SPTBN1: variants seen among roughly 807,000 people sequenced by gnomAD.
SPTBN1 encodes spectrin beta, non-erythrocytic 1.
Under a neutral mutation model 266.4 loss-of-function variants are expected in SPTBN1, and 32 were observed. The observed-to-expected ratio is 0.12, with a 90% CI of 0.09 to 0.16. SPTBN1 has a LOEUF of 0.16. Ranked by LOEUF, SPTBN1 falls within the 10% of genes least tolerant of loss-of-function variation. The pLI is 1.00. For synonymous variants in SPTBN1, 1,336 were observed against 1,162.2 expected (o/e 1.15, Z -3.04); for missense variants, 2,296 against 3,067.1 (o/e 0.75, Z 5.94).
Position 54,664,447 on chromosome 2 carries a change from C to G in SPTBN1, c.6421-6C>G. 1.2e-6 allele frequency: 2 copies of G among 1,609,642 alleles called. No homozygotes were observed. Among genetic ancestry groups the G allele is most frequent in the South Asian group, 2.2e-5 (2 of 90,948 alleles). ...GTTAGCTGAATGGCCTCTCCGCTGT[C>G]CCTAGATGGCAGAAACGGTGGACAC... On this transcript the variant is annotated splice_polypyrimidine_tract_variant and splice_region_variant and intron_variant, in intron 32 of 35. Coordinates refer to ENST00000356805, the MANE Select transcript of SPTBN1 (RefSeq NM_003128.3). The surrounding 1 kb of genome is among the most constrained non-coding windows in gnomAD (Gnocchi z 5.6).
chr2:54,602,220 A>G (rs957614819), intron 3 of SPTBN1, among the ~76,000 whole-genome samples: 1 of 152,224 alleles, frequency 6.6e-6, no homozygotes, highest in African/African-American at 2.4e-5. Flanking sequence ...CCTTAGAAAT[A>G]CAGACCCACC....
rs540163302 is a variant in SPTBN1 at position 54,464,982 on chromosome 2, G to A, written c.-48+8464G>A. On this transcript the variant is annotated intron_variant, in intron 1 of 35. Coordinates refer to ENST00000356805, the MANE Select transcript of SPTBN1 (RefSeq NM_003128.3). ...GTTGGGATTACAAATGTGAGCCACC[G>A]TGCCCAGCCTTGGGCACCATTTTTT... is the stretch of plus-strand genomic sequence containing the variant. Among the ~76,000 whole-genome samples, 5 of 152,230 alleles carry A rather than the reference G, an allele frequency of 3.3e-5. No homozygotes were observed. The East Asian group carries it at 5.8e-4, about 18-fold the overall frequency.
chr2:54,630,701 C>G (rs1371154677), intron 15 of SPTBN1, among the ~76,000 whole-genome samples, 154 bp from the exon 16 acceptor site: 1 of 152,166 alleles, frequency 6.6e-6, no homozygotes, highest in East Asian at 1.9e-4. Context: ...TTGGTGTTCA[C>G]AGTTTGAGTG....
intron 2 of SPTBN1, among the ~76,000 whole-genome samples, chr2:54,545,848 G>A (rs561510026): frequency 1.5e-4 from 23 of 152,174 alleles, no homozygotes; most frequent in African/African-American, 4.1e-4. Flanking sequence ...GCATGCTAAC[G>A]GGCTGTTGCT....
At position 54,658,033 on chromosome 2, in the gene SPTBN1, A is replaced by G; in HGVS notation, c.6230A>G (p.Glu2077Gly). The change falls in exon 30 of 36, where the codon GAA (glutamate) becomes GGA (glycine). Residue 2077 changes from glutamate to glycine, a missense_variant. Physicochemically the swap from Glu to Gly is moderately conservative, Grantham distance 98. Transcript: ENST00000356805. Reference sequence around the variant, plus strand: ...TGGGATGAGAGGTTCTCTGCCCTGGAAAGGCTGACTACAGTAAGTGGCCGC... The same window carrying G: ...TGGGATGAGAGGTTCTCTGCCCTGGGAAGGCTGACTACAGTAAGTGGCCGC... ...ATWDERFSAL[E>G]RLTTLELLEV... The G allele has an allele frequency of 6.2e-7, 1 of 1,614,252 alleles. No individual in the cohort carries two copies.
At chr2:54,468,585 T>A (rs1205544683) in intron 1 of SPTBN1, among the ~76,000 whole-genome samples, 1 of 152,214 alleles carries the variant, frequency 6.6e-6, no homozygotes, top group Non-Finnish European at 1.5e-5. Context: ...TAGTTAAAGC[T>A]GTAGCATGAA....
chr2:54,645,394 C>T lies in SPTBN1; in HGVS notation c.4435C>T (p.His1479Tyr), dbSNP rs1208739524. ...ELLEPLNERK[H>Y]NLLASKEIHQ... ...GCTGGAGCCCTTGAACGAGAGGAAG[C>T]ATAACCTGCTGGCCTCCAAAGAGAT... Residue 1479 changes from histidine to tyrosine, a missense_variant, in exon 21 of 36, where the codon CAT (histidine) becomes TAT (tyrosine). His to Tyr is a moderately conservative substitution (Grantham distance 83). Coordinates refer to ENST00000356805, the MANE Select transcript of SPTBN1 (RefSeq NM_003128.3). This position sits in a 1 kb window ranked among gnomAD's most constrained non-coding sequence, Gnocchi z 4.3. 4 of 1,614,216 alleles carry T rather than the reference C, an allele frequency of 2.5e-6. No individual in the cohort carries two copies. The highest frequency in any genetic ancestry group is 2.2e-5 in the East Asian group (1 of 44,888).
chr2:54,562,195 A>T (rs1673351474), intron 2 of SPTBN1, among the ~76,000 whole-genome samples: 1 of 152,370 alleles, frequency 6.6e-6, no homozygotes, highest in Non-Finnish European at 1.5e-5. Flanking sequence ...GTGTAGTAAC[A>T]GAGGTGCAGG....
chr2:54,629,596 G>A lies in SPTBN1; in HGVS notation c.2462G>A (p.Arg821Lys), dbSNP rs756533316. The A allele has an allele frequency of 2.4e-5, 38 of 1,613,926 alleles. No individual in the cohort carries two copies. Among genetic ancestry groups the A allele is most frequent in the African/African-American group, 8.0e-5 (6 of 74,948 alleles). Residue 821 changes from arginine to lysine, a missense_variant, in exon 14 of 36, where the codon AGG becomes AAG. Physicochemically the swap from Arg to Lys is conservative, Grantham distance 26. This residue lies in a region of SPTBN1 where 434 missense variants were observed against 573.9 expected (regional missense o/e 0.76). Coordinates refer to ENST00000356805, the MANE Select transcript of SPTBN1 (RefSeq NM_003128.3). ...PQEHAESPDV[R>K]GRLSGIEERY... ...GAGCATGCCGAGTCTCCAGACGTGA[G>A]GGGCAGGCTGTCGGGCATCGAGGAG...
At position 54,646,609 on chromosome 2, in the gene SPTBN1, A is replaced by G. The variant is rs1679942516; in HGVS notation, c.4866+134A>G. The G allele has an allele frequency of 1.1e-5, 11 of 1,036,252 alleles. No homozygotes were observed. The Admixed American group carries it at 3.6e-4, about 34-fold the overall frequency. The allele number at this position is 1,036,252 out of a possible 1,614,324, so 64.2% of individuals were successfully genotyped here. A position where few individuals can be genotyped will look rare whatever the true frequency, so the allele number is the denominator to read the frequency against. On this transcript the variant is annotated intron_variant, in intron 23 of 35. Transcript: ENST00000356805. The surrounding 1 kb of genome is among the most constrained non-coding windows in gnomAD (Gnocchi z 4.4). ...TGAGTGTTAAGGGGACACCATGTGC[A>G]TGAAGGTGTCTGAAATCCAGCTGCT... is the stretch of plus-strand genomic sequence containing the variant.
At chr2:54,502,153 C>G (rs1232097681) in intron 1 of SPTBN1, among the ~76,000 whole-genome samples, 3 of 152,246 alleles carry the variant, frequency 2.0e-5, no homozygotes, top group African/African-American at 7.2e-5. Flanking sequence ...GAAATGACAC[C>G]CTACCCCTGC....
intron 10 of SPTBN1, among the ~76,000 whole-genome samples, chr2:54,624,505 C>A (rs142537695): frequency 6.6e-6 from 1 of 152,134 alleles, no homozygotes; most frequent in East Asian, 1.9e-4. Flanking sequence ...AATTTATTTC[C>A]TCTTAAAGTA....
intron 2 of SPTBN1, among the ~76,000 whole-genome samples, chr2:54,563,296 A>G (rs755195224): frequency 6.6e-6 from 1 of 152,092 alleles, no homozygotes; most frequent in Non-Finnish European, 1.5e-5. Context: ...AAAAGCATCA[A>G]AATGAAGTTT....
chr2:54,632,077 TAAAAAAAAAA>T (rs34563622), intron 16 of SPTBN1, among the ~76,000 whole-genome samples: 7 of 120,830 alleles, frequency 5.8e-5, no homozygotes, highest in East Asian at 2.3e-4. Context: ...CCCTGTCTCT[TAAAAAAAAAA>T]AAAAAAAAAA....
chr2:54,604,377 T>A (rs987715284), intron 3 of SPTBN1, among the ~76,000 whole-genome samples: 1 of 152,116 alleles, frequency 6.6e-6, no homozygotes, highest in African/African-American at 2.4e-5. Flanking sequence ...TTTCTTTTCC[T>A]CTCCATCTCT....
intron 16 of SPTBN1, among the ~76,000 whole-genome samples, chr2:54,632,278 C>T (rs1678800300): frequency 6.6e-6 from 1 of 152,034 alleles, no homozygotes; most frequent in African/African-American, 2.4e-5. Context: ...TTGCTGTTGC[C>T]TTGATAGGCA....
At chr2:54,611,194 C>T (rs976272764) in intron 3 of SPTBN1, among the ~76,000 whole-genome samples, 5 of 152,038 alleles carry the variant, frequency 3.3e-5, no homozygotes, top group African/African-American at 1.2e-4. Context: ...TCATGACATA[C>T]CTTTTTCTTA....
At chr2:54,661,321 T>C in intron 32 of SPTBN1, 2 of 985,924 alleles carry the variant, frequency 2.0e-6, no homozygotes, top group Non-Finnish European at 2.4e-6. Flanking sequence ...CAAAACCTTG[T>C]GAGACATTCA....
chr2:54,516,078 CTT>C (rs1387208590), intron 1 of SPTBN1: 1 of 152,020 alleles, frequency 6.6e-6, no homozygotes, highest in Non-Finnish European at 1.5e-5. Context: ...AGCCTTGAGT[CTT>C]TTTGATATTT....
Sources: allele counts gnomAD v4.1 joint callset (sites outside exome capture counted in the v4.1 genomes callset), GRCh38; gene constraint gnomAD v4.1.1; regional missense constraint gnomAD v4.1.1; non-coding constraint Gnocchi (gnomAD v3.1); transcripts MANE v1.5; gene names NCBI Gene and HGNC (gene_info 2026-07-23, HGNC 2026-07-21).